The following ZFHX3 variants were observed in gnomAD, a reference collection of about 807,000 sequenced individuals.
ZFHX3 encodes the protein zinc finger homeobox 3.
In ZFHX3, 42 loss-of-function variants were observed where a neutral mutation model predicts 279.1. The observed-to-expected ratio is 0.15, with a 90% confidence interval of 0.12 to 0.19. The LOEUF (loss-of-function observed/expected upper bound fraction) is 0.19, where lower values mean the gene tolerates loss of function less well. Among genes scored for constraint, ZFHX3 ranks in the 10% least tolerant of loss-of-function variants. The probability of loss-of-function intolerance (pLI) is 1.00; values close to 1 mark genes in which losing one functional copy is unlikely to be tolerated. For synonymous variants in ZFHX3, 2,293 were observed against 1,957.8 expected (o/e 1.17, Z -4.52); for missense variants, 4,981 against 4,754.0 (o/e 1.05, Z -1.40).
intron 1 of ZFHX3, among the ~76,000 whole-genome samples, chr16:73,873,489 C>T (rs990464206): frequency 5.3e-5 from 8 of 151,894 alleles, no homozygotes; most frequent in Admixed American, 1.3e-4. Flanking sequence ...TAAGCTAAAA[C>T]GAAGTATAGT....
intron 1 of ZFHX3, among the ~76,000 whole-genome samples, chr16:73,028,493 C>T (rs550236930): frequency 7.2e-5 from 11 of 152,292 alleles, no homozygotes; most frequent in African/African-American, 2.4e-4. Flanking sequence ...GGGTTGGTCG[C>T]TCCTCCTGCC....
intron 3 of ZFHX3, among the ~76,000 whole-genome samples, chr16:72,924,556 T>C (rs1423840040): frequency 1.3e-5 from 2 of 152,166 alleles, no homozygotes; most frequent in Admixed American, 6.5e-5. Flanking sequence ...AAAGTCACCC[T>C]GGATATTCTC....
At chr16:73,816,087 G>A (rs1249534397) in intron 1 of ZFHX3, 1 of 152,150 alleles carries the variant, frequency 6.6e-6, no homozygotes, top group Non-Finnish European at 1.5e-5. Context: ...ATGGATCTAA[G>A]TAACCAGCTA....
chr16:73,823,107 A>G (rs750578177), intron 1 of ZFHX3, among the ~76,000 whole-genome samples: 2 of 152,230 alleles, frequency 1.3e-5, no homozygotes, highest in Non-Finnish European at 2.9e-5. Context: ...AAAAGCAAAT[A>G]GGAAACTGTA....
At chr16:73,022,343 C>G (rs1258461103) in intron 1 of ZFHX3, among the ~76,000 whole-genome samples, 1 of 152,154 alleles carries the variant, frequency 6.6e-6, no homozygotes, top group South Asian at 2.1e-4. Flanking sequence ...GCAAGCCAGG[C>G]AGGCAGATGG....
At chr16:73,830,634 G>C (rs930905786) in intron 1 of ZFHX3, among the ~76,000 whole-genome samples, 4 of 152,092 alleles carry the variant, frequency 2.6e-5, no homozygotes, top group African/African-American at 9.7e-5. Context: ...TCAGTATTTA[G>C]AGCTACTGGC....
intron 2 of ZFHX3, among the ~76,000 whole-genome samples, chr16:73,589,427 C>T (rs1052156064): frequency 1.7e-4 from 18 of 108,132 alleles, no homozygotes; most frequent in South Asian, 8.2e-4. Context: ...CAGAGCAAGA[C>T]GCTCTTTCAA....
Position 72,958,630 on chromosome 16 carries a change from T to C in ZFHX3, c.1516A>G (p.Arg506Gly), listed in dbSNP as rs1225395575. The C allele has an allele frequency of 6.2e-7, 1 of 1,614,012 alleles. No homozygotes were observed. The highest frequency in any genetic ancestry group is 1.3e-5 in the African/African-American group (1 of 74,910). The stretch of plus-strand genomic sequence containing the variant: ...GCGGCCCCAGGCTCCTCATGGGGCC[T>C]GTCCTCCAGTTCCTCATCCAACTCG... ...PSELDEELEDRPHEEPGAAAG... is the reference protein window; with the variant it reads ...PSELDEELEDGPHEEPGAAAG... Residue 506 changes from arginine to glycine, a missense_variant, in exon 2 of 10, where the codon AGG becomes GGG. By Grantham distance (125) the Arg-to-Gly change is moderately radical (BLOSUM62 -2). This residue lies in a region of ZFHX3 where 1,068 missense variants were observed against 935.2 expected (regional missense o/e 1.14). Transcript: ENST00000268489.
In ZFHX3 at chr16:73,592,942, A is replaced by G. The variant is rs540985122; in HGVS notation, c.-1547+87238T>C. ...AACAGTATTAGTAATGAGAATGAAA[A>G]TGACTTACAGATGTGCAGATGTAAA... On this transcript the variant is annotated intron_variant, in intron 2 of 17. Transcript: ENST00000641206. Among the ~76,000 whole-genome samples the G allele has an allele frequency of 2.6e-5, 4 of 152,262 alleles. No homozygotes were observed. The East Asian group carries it at 7.7e-4, about 29-fold the overall frequency.
chr16:72,850,484 T>C (rs779688731), intron 4 of ZFHX3, among the ~76,000 whole-genome samples: 2 of 152,172 alleles, frequency 1.3e-5, no homozygotes, highest in Admixed American at 1.3e-4. Context: ...GAGTCGAAGT[T>C]GGGGAAAAAA....
chr16:72,815,374 C>A (rs546629744), intron 5 of ZFHX3, among the ~76,000 whole-genome samples: 7 of 151,510 alleles, frequency 4.6e-5, no homozygotes, highest in African/African-American at 1.7e-4. Context: ...TGCCACTGCA[C>A]CCCAGCCTGG....
chr16:73,440,577 A>G (rs2018074925), intron 3 of ZFHX3, among the ~76,000 whole-genome samples: 2 of 152,212 alleles, frequency 1.3e-5, no homozygotes. Flanking sequence ...TTGGATTTGT[A>G]AGTTGGAAAT....
At chr16:73,236,699 T>C (rs1405100620) in intron 5 of ZFHX3, among the ~76,000 whole-genome samples, 5 of 151,924 alleles carry the variant, frequency 3.3e-5, no homozygotes, top group African/African-American at 1.2e-4. Flanking sequence ...CACATAGTTT[T>C]GATGCAGATC....
At chr16:72,986,353 C>T (rs979484322) in intron 1 of ZFHX3, among the ~76,000 whole-genome samples, 1 of 152,154 alleles carries the variant, frequency 6.6e-6, no homozygotes, top group Non-Finnish European at 1.5e-5. Context: ...GGGCTGACAT[C>T]CATTTGTTCT....
In ZFHX3 at chr16:73,195,318, C is replaced by G. The variant is rs1334937997; in HGVS notation, c.-1103-51487G>C. Among the ~76,000 whole-genome samples, 7 of 151,498 alleles carry G rather than the reference C, an allele frequency of 4.6e-5. No homozygotes were observed. In the South Asian group the frequency reaches 1.5e-3, roughly 32 times the overall value. The stretch of plus-strand genomic sequence containing the variant: ...GATTTTTTCCGAAAAAATCAAATAT[C>G]TGCATTTTCTTTTCTTAGGGAAACA... On this transcript the variant is annotated intron_variant, in intron 5 of 17. Coordinates refer to the ZFHX3 transcript ENST00000641206.
intron 2 of ZFHX3, among the ~76,000 whole-genome samples, chr16:73,518,800 C>T (rs2432545): frequency 0.24 from 36,477 of 152,070 alleles, 4,600 homozygotes; most frequent in East Asian, 0.36. Flanking sequence ...ACAAAGTCTT[C>T]GAAAAGCATT....
At chr16:72,938,212 T>C (rs1037905890) in intron 3 of ZFHX3, among the ~76,000 whole-genome samples, 3 of 152,250 alleles carry the variant, frequency 2.0e-5, no homozygotes, top group African/African-American at 7.2e-5. Flanking sequence ...GCATAAAAGA[T>C]GGACAGGAAA....
intron 1 of ZFHX3, among the ~76,000 whole-genome samples, chr16:73,009,011 A>G (rs1440414416): frequency 6.6e-6 from 1 of 152,114 alleles, no homozygotes; most frequent in African/African-American, 2.4e-5. Context: ...AATGTCAGGA[A>G]CATGAAGCTG....
At chr16:73,518,846 G>T (rs1210515549) in intron 2 of ZFHX3, among the ~76,000 whole-genome samples, 1 of 152,152 alleles carries the variant, frequency 6.6e-6, no homozygotes, top group African/African-American at 2.4e-5. Flanking sequence ...CCATTAAAAG[G>T]TTAACATGTC....
Sources: gnomAD v4.1 joint callset for allele counts (sites outside exome capture counted in the v4.1 genomes callset) on GRCh38, gnomAD v4.1.1 for gene constraint, gnomAD v4.1.1 regional missense constraint, MANE v1.5 for transcripts, NCBI Gene and HGNC (gene_info 2026-07-23, HGNC 2026-07-21) for gene names.